Variants in PRDM16 observed in about 807,000 individuals in gnomAD.
The protein encoded by PRDM16 is PR/SET domain 16.
Under a neutral mutation model 110.6 loss-of-function variants are expected in PRDM16, and 23 were observed. The observed-to-expected ratio is 0.21, with a 90% confidence interval of 0.15 to 0.29. The LOEUF (loss-of-function observed/expected upper bound fraction) is 0.29, where lower values mean the gene tolerates loss of function less well. Among genes scored for constraint, PRDM16 ranks in the 10% least tolerant of loss-of-function variants. PRDM16 has a pLI of 1.00. For synonymous variants in PRDM16, 799 were observed against 781.8 expected, an observed-to-expected ratio of 1.02 and a Z score of -0.37; for missense variants, 1,615 against 1,794.3, an observed-to-expected ratio of 0.90 and a Z score of 1.81.
chr1:3,385,205 G>A lies in PRDM16; in HGVS notation c.492G>A (p.Gly164=), dbSNP rs1643175723. The A allele has an allele frequency of 6.2e-7, 1 of 1,613,628 alleles. No homozygotes were observed. The highest frequency in any genetic ancestry group is 8.5e-7 in the Non-Finnish European group (1 of 1,180,022). ...TCTGCGTGGATGCAAATCAGGCGGG[G>A]GCTGGCAGCTGGCTCAAGTACATCC... ...EKFCVDANQA[G]AGSWLKYIRV... is the part of the protein sequence containing the mutation. The change falls in exon 4 of 17, where the codon GGG becomes GGA. Residue 164 remains glycine (G), a synonymous_variant. Transcript: ENST00000270722.
In PRDM16 at chr1:3,244,605, C is replaced by T. The variant is rs535743172; in HGVS notation, c.438+468C>T. 3.3e-5 allele frequency among the ~76,000 whole-genome samples: 5 copies of T among 152,166 alleles called. No individual in the cohort carries two copies. The highest frequency in any genetic ancestry group is 2.1e-4 in the South Asian group (1 of 4,820). On this transcript the variant is annotated intron_variant, in intron 3 of 16. Transcript: ENST00000270722. This position sits in a 1 kb window ranked among gnomAD's most constrained non-coding sequence, Gnocchi z 4.1. ...GTTTTAAATAAGCAAAACCACGAGG[C>T]GAGAGAAAAAGGGTCCACGTGGCAT...
At chr1:3,344,095 G>T (rs1642319833) in intron 3 of PRDM16, among the ~76,000 whole-genome samples, 1 of 152,176 alleles carries the variant, frequency 6.6e-6, no homozygotes, top group African/African-American at 2.4e-5. Context: ...CCAGTGCTCT[G>T]GGAGGCTGAG....
intron 1 of PRDM16, among the ~76,000 whole-genome samples, chr1:3,140,452 A>C (rs892592200): frequency 6.6e-6 from 1 of 151,958 alleles, no homozygotes; most frequent in Non-Finnish European, 1.5e-5. Flanking sequence ...CCGGAGCCCA[A>C]GCTCTCTGAC....
At chr1:3,324,980 A>C (rs1641855779) in intron 3 of PRDM16, among the ~76,000 whole-genome samples, 1 of 152,112 alleles carries the variant, frequency 6.6e-6, no homozygotes, top group Non-Finnish European at 1.5e-5. Context: ...CGAGGGGCTG[A>C]GCAGAGCTCT....
intron 3 of PRDM16, among the ~76,000 whole-genome samples, chr1:3,355,698 C>T (rs1384516552): frequency 7.2e-5 from 11 of 152,206 alleles, no homozygotes; most frequent in Admixed American, 7.2e-4. Flanking sequence ...TCAGACCACA[C>T]AGATGAGAAA....
intron 3 of PRDM16, among the ~76,000 whole-genome samples, chr1:3,371,983 T>G (rs921553033): frequency 6.6e-6 from 1 of 152,244 alleles, no homozygotes; most frequent in Non-Finnish European, 1.5e-5. Flanking sequence ...CTCCAGAGAA[T>G]AAGCGGATGA....
intron 3 of PRDM16, among the ~76,000 whole-genome samples, chr1:3,317,248 C>T (rs1388596773): frequency 6.6e-6 from 1 of 152,130 alleles, no homozygotes; most frequent in Admixed American, 6.5e-5. Flanking sequence ...GCTCCTATGA[C>T]CTAAACAAGG....
intron 14 of PRDM16, among the ~76,000 whole-genome samples, chr1:3,429,692 A>C (rs947015538): frequency 1.3e-5 from 2 of 152,184 alleles, no homozygotes; most frequent in South Asian, 2.1e-4. Flanking sequence ...CTTGGCCCCC[A>C]ACACAGGCGA....
At position 3,143,048 on chromosome 1, in the gene PRDM16, G is replaced by A. The variant is rs1304024572; in HGVS notation, c.38-43077G>A. On this transcript the variant is annotated intron_variant, in intron 1 of 16. Transcript: ENST00000270722. The surrounding 1 kb of genome is among the most constrained non-coding windows in gnomAD (Gnocchi z 4.5). Reference sequence around the variant, plus strand: ...GCTGTGTTGCTGATGAGATCACATAGGGGCTGGAGAATTCGTACCCGCGGG... The same window carrying A: ...GCTGTGTTGCTGATGAGATCACATAAGGGCTGGAGAATTCGTACCCGCGGG... 6.6e-6 allele frequency among the ~76,000 whole-genome samples: 1 copy of A among 152,232 alleles called. No individual in the cohort carries two copies.
rs375113271 is a variant in PRDM16, at chr1:3,358,720, G to A, written c.439-26432G>A. Among the ~76,000 whole-genome samples, 35 of 152,298 alleles carry A rather than the reference G, an allele frequency of 2.3e-4. No individual in the cohort carries two copies. In the South Asian group the frequency reaches 4.8e-3, roughly 21 times the overall value. On this transcript the variant is annotated intron_variant, in intron 3 of 16. Transcript: ENST00000270722. This position sits in a 1 kb window ranked among gnomAD's most constrained non-coding sequence, Gnocchi z 4.0. ...TGAACAAATATCGCCACGTGTGCGC[G>A]ATCAGAGCTGAGTAACCTGCTCCAA...
chr1:3,372,604 A>G (rs1642925651), intron 3 of PRDM16, among the ~76,000 whole-genome samples: 1 of 152,262 alleles, frequency 6.6e-6, no homozygotes, highest in Admixed American at 6.5e-5. Context: ...GCTATGCTCA[A>G]AAACCAAACC....
At chr1:3,110,996 G>A (rs1238809208) in intron 1 of PRDM16, among the ~76,000 whole-genome samples, 1 of 152,202 alleles carries the variant, frequency 6.6e-6, no homozygotes, top group Non-Finnish European at 1.5e-5. Flanking sequence ...TGCCAGCCTA[G>A]CTTCGTGGGC....
intron 1 of PRDM16, among the ~76,000 whole-genome samples, chr1:3,180,856 T>C (rs1227011993): frequency 2.0e-5 from 3 of 148,764 alleles, no homozygotes; most frequent in East Asian, 2.0e-4. Flanking sequence ...ACACGCAGTC[T>C]TACGCACGGC....
chr1:3,400,594 G>T (rs1438092545), intron 5 of PRDM16, among the ~76,000 whole-genome samples: 1 of 152,214 alleles, frequency 6.6e-6, no homozygotes, highest in African/African-American at 2.4e-5. Flanking sequence ...CCCCGGAGAG[G>T]TTTGGGACGG....
chr1:3,296,508 G>A (rs777207016), intron 3 of PRDM16, among the ~76,000 whole-genome samples: 7 of 152,222 alleles, frequency 4.6e-5, no homozygotes, highest in African/African-American at 9.6e-5. Flanking sequence ...GCCCTAACCC[G>A]GGGCCTCGTG....
intron 3 of PRDM16, among the ~76,000 whole-genome samples, chr1:3,284,205 G>A (rs914228519): frequency 3.3e-5 from 5 of 152,216 alleles, no homozygotes; most frequent in African/African-American, 1.2e-4. Flanking sequence ...GGTTTGCAAA[G>A]GCAAACCGAC....
intron 1 of PRDM16, among the ~76,000 whole-genome samples, chr1:3,073,700 G>A (rs572621266): frequency 6.6e-6 from 1 of 152,214 alleles, no homozygotes; most frequent in East Asian, 1.9e-4. Context: ...CGGTAGTCTC[G>A]GCCGACTTCC....
rs768627418 is a variant in PRDM16 at position 3,123,760 on chromosome 1, C to T, written c.37+54464C>T. ...GGTGGCCCGAGAAGCAGGGTGCTCA[C>T]GGGGTGCCCCAGGGCATTGCCCCAG... On this transcript the variant is annotated intron_variant, in intron 1 of 16. Transcript: ENST00000270722. 2.6e-5 allele frequency among the ~76,000 whole-genome samples: 4 copies of T among 152,254 alleles called. 1 individual carries two copies. The highest frequency in any genetic ancestry group is 4.4e-5 in the Non-Finnish European group (3 of 68,044).
At chr1:3,384,853 G>T (rs998415552) in intron 3 of PRDM16, among the ~76,000 whole-genome samples, 3 of 152,180 alleles carry the variant, frequency 2.0e-5, no homozygotes, top group African/African-American at 7.2e-5. Flanking sequence ...GGGGGTGGGG[G>T]TTGCAACTCT....
Sources: allele counts gnomAD v4.1 joint callset (sites outside exome capture counted in the v4.1 genomes callset), GRCh38; gene constraint gnomAD v4.1.1; non-coding constraint Gnocchi (gnomAD v3.1); transcripts MANE v1.5; gene names NCBI Gene and HGNC (gene_info 2026-07-23, HGNC 2026-07-21).